The following KCMF1 variants were observed in gnomAD, a reference collection of about 807,000 sequenced individuals.
KCMF1 encodes E3 ubiquitin-protein ligase KCMF1.
Under a neutral mutation model 41.1 loss-of-function variants are expected in KCMF1, and 3 were observed. The ratio of observed to expected loss-of-function variants is 0.07; its 90% CI spans 0.03 to 0.19. The LOEUF is 0.19. Ranked by LOEUF, KCMF1 falls within the 10% of genes least tolerant of loss-of-function variation. The pLI is 1.00. For synonymous variants in KCMF1, 142 were observed against 164.5 expected (o/e 0.86, Z 1.04); for missense variants, 286 against 488.9 (o/e 0.58, Z 3.91).
In KCMF1 at chr2:85,049,511, G is replaced by A; in HGVS notation, c.747G>A (p.Glu249=). The change falls in exon 6 of 7, where the codon GAG becomes GAA. Residue 249 remains glutamate, a synonymous_variant. Coordinates refer to ENST00000409785, the MANE Select transcript of KCMF1 (RefSeq NM_020122.5). ...CCCAGGCAGCACGGCAACAACTGGAGACCGCACGCAACGCAACCCGGCGTA... is the reference window on the plus strand; with the variant it reads ...CCCAGGCAGCACGGCAACAACTGGAAACCGCACGCAACGCAACCCGGCGTA... ...QHAQAARQQL[E]TARNATRRTN... is the part of the protein sequence containing the mutation. The A allele has an allele frequency of 3.7e-6, 6 of 1,614,020 alleles. No homozygotes were observed. Among genetic ancestry groups the A allele is most frequent in the Non-Finnish European group, 3.4e-6 (4 of 1,179,904 alleles).
chr2:85,042,080 G>A (rs1675553710), intron 3 of KCMF1, among the ~76,000 whole-genome samples: 1 of 152,142 alleles, frequency 6.6e-6, no homozygotes, highest in South Asian at 2.1e-4. Flanking sequence ...GCATAGGCAG[G>A]TCTATCTACT....
At chr2:85,002,913 A>G (rs922802392) in intron 1 of KCMF1, among the ~76,000 whole-genome samples, 2 of 152,112 alleles carry the variant, frequency 1.3e-5, no homozygotes, top group African/African-American at 2.4e-5. Flanking sequence ...CTTGTTTCCC[A>G]TTTTAAAACA....
rs961195146 is a variant in KCMF1, at chr2:84,971,535, G to A, written c.16+68G>A. ...GCCTACCCCGCCCGGGCCGGGCGCG[G>A]CGGAGGGCGGCCGGGAAGCGGCGGA... On this transcript the variant is annotated intron_variant, in intron 1 of 6. Transcript: ENST00000409785. 7 of 929,002 alleles carry A rather than the reference G, an allele frequency of 7.5e-6. No individual in the cohort carries two copies. The African/African-American group carries it at 1.1e-4, about 14-fold the overall frequency. The allele number at this position is 929,002 out of a possible 1,614,324, so 57.5% of individuals were successfully genotyped here. A position where few individuals can be genotyped will look rare whatever the true frequency, so the allele number is the denominator to read the frequency against.
At chr2:84,976,553 T>A (rs1404342269) in intron 1 of KCMF1, among the ~76,000 whole-genome samples, 1 of 151,702 alleles carries the variant, frequency 6.6e-6, no homozygotes, top group African/African-American at 2.4e-5. Flanking sequence ...TAAAATTGTT[T>A]GAGATTTCAA....
chr2:84,978,490 T>C (rs1033159732), intron 1 of KCMF1, among the ~76,000 whole-genome samples: 2 of 151,158 alleles, frequency 1.3e-5, no homozygotes, highest in African/African-American at 2.5e-5. Context: ...TTTTTGTCTT[T>C]TGGTTTTTGG....
chr2:84,971,683 CG>C (rs1673397922), intron 1 of KCMF1, among the ~76,000 whole-genome samples: 1 of 146,328 alleles, frequency 6.8e-6, no homozygotes, highest in Admixed American at 6.7e-5. Context: ...GTGCTGGAGG[CG>C]GGGCGGCCCG....
At chr2:85,010,598 C>T (rs758006565) in intron 1 of KCMF1, among the ~76,000 whole-genome samples, 3 of 152,184 alleles carry the variant, frequency 2.0e-5, no homozygotes, top group African/African-American at 4.8e-5. Flanking sequence ...GTGGCCAGTG[C>T]AATTGAGGAA....
At chr2:84,972,958 T>C (rs1673442786) in intron 1 of KCMF1, among the ~76,000 whole-genome samples, 2 of 152,344 alleles carry the variant, frequency 1.3e-5, no homozygotes, top group African/African-American at 4.8e-5. Flanking sequence ...ATGCCTCTTT[T>C]CCCCACTTCG....
intron 3 of KCMF1, among the ~76,000 whole-genome samples, chr2:85,040,554 T>C (rs1169382519): frequency 6.6e-6 from 1 of 152,202 alleles, no homozygotes; most frequent in Non-Finnish European, 1.5e-5. Flanking sequence ...GAAAACACAG[T>C]CTTGAGAACA....
At chr2:85,027,820 A>G (rs1057009595) in intron 1 of KCMF1, 69 bp from the exon 2 acceptor site, 5 of 943,686 alleles carry the variant, frequency 5.3e-6, no homozygotes, top group Non-Finnish European at 6.4e-6. Flanking sequence ...AGCACCTGAA[A>G]CATTCATAAA....
At chr2:84,981,400 A>G (rs898495293) in intron 1 of KCMF1, among the ~76,000 whole-genome samples, 1 of 152,000 alleles carries the variant, frequency 6.6e-6, no homozygotes, top group Non-Finnish European at 1.5e-5. Context: ...CGTGTTAGCC[A>G]GGATGGTCTC....
chr2:84,993,516 T>G (rs1203422993), intron 1 of KCMF1, among the ~76,000 whole-genome samples: 1 of 152,022 alleles, frequency 6.6e-6, no homozygotes, highest in Admixed American at 6.6e-5. Flanking sequence ...CACATCAACA[T>G]TTTATCATTT....
At position 84,999,015 on chromosome 2, in the gene KCMF1, C is replaced by T. The variant is rs1429997172; in HGVS notation, c.16+27548C>T. On this transcript the variant is annotated intron_variant, in intron 1 of 6. Transcript: ENST00000409785. ...CTATCTGTCCACCCACCCACCCACC[C>T]ACCCATCCATCCATCCACCCACCCA... Among the ~76,000 whole-genome samples the T allele has an allele frequency of 3.4e-5, 4 of 118,922 alleles. No homozygotes were observed. In the Admixed American group the frequency reaches 3.6e-4, roughly 11 times the overall value. The allele number at this position is 118,922 out of a possible 152,430, so 78.0% of individuals were successfully genotyped here.
At position 85,004,527 on chromosome 2, in the gene KCMF1, T is replaced by TA. The variant is rs201381912; in HGVS notation, c.17-23353dup. Among the ~76,000 whole-genome samples the TA allele has an allele frequency of 4.4e-4, 65 of 149,270 alleles. 1 individual carries two copies. In the East Asian group the frequency reaches 8.9e-3, roughly 20 times the overall value. ...ACTCCATCTCAAAAAAAAATAATAA[T>TA]AAAAAAAAAGAGAAAGCAAAACTTT... On this transcript the variant is annotated intron_variant, in intron 1 of 6. Coordinates refer to ENST00000409785, the MANE Select transcript of KCMF1 (RefSeq NM_020122.5).
intron 1 of KCMF1, among the ~76,000 whole-genome samples, chr2:85,026,468 A>T (rs574041376): frequency 7.2e-6 from 1 of 138,408 alleles, no homozygotes; most frequent in Non-Finnish European, 1.5e-5. Flanking sequence ...CTTTATTATT[A>T]TTATTATTAT....
intron 1 of KCMF1, among the ~76,000 whole-genome samples, chr2:85,020,493 A>G (rs922905413): frequency 3.9e-5 from 6 of 152,034 alleles, no homozygotes; most frequent in Non-Finnish European, 8.8e-5. Context: ...CAGTGGCACA[A>G]TCTCCGCTCA....
rs1009150138 is a variant in KCMF1, at chr2:85,056,066, G to A, written c.*2657G>A. The A allele has an allele frequency of 6.6e-6, 1 of 151,836 alleles. No homozygotes were observed. Among genetic ancestry groups the A allele is most frequent in the African/African-American group, 2.4e-5 (1 of 41,304 alleles). The allele number at this position is 151,836 out of a possible 1,614,324, so 9.4% of individuals were successfully genotyped here. ...GCTGCAATCATAAGACAGAATTTCT[G>A]TGGTTGGCTACCGTGAAATCTTTGT... is the stretch of plus-strand genomic sequence containing the variant. On this transcript the variant is annotated 3_prime_UTR_variant, in exon 7 of 7. Coordinates refer to ENST00000409785, the MANE Select transcript of KCMF1 (RefSeq NM_020122.5).
chr2:84,977,023 T>C (rs1413705060), intron 1 of KCMF1, among the ~76,000 whole-genome samples: 1 of 152,128 alleles, frequency 6.6e-6, no homozygotes, highest in African/African-American at 2.4e-5. Context: ...TCCTTTTTTA[T>C]AATTATTTTT....
chr2:85,008,750 G>C (rs963042677), intron 1 of KCMF1, among the ~76,000 whole-genome samples: 3 of 150,314 alleles, frequency 2.0e-5, no homozygotes, highest in Non-Finnish European at 4.4e-5. Flanking sequence ...AGCACTGCAA[G>C]TATTGACATG....
Sources: gnomAD v4.1 joint callset for allele counts (sites outside exome capture counted in the v4.1 genomes callset) on GRCh38, gnomAD v4.1.1 for gene constraint, MANE v1.5 for transcripts, NCBI Gene and HGNC (gene_info 2026-07-23, HGNC 2026-07-21) for gene names.